CCDC82: variants seen among roughly 807,000 people sequenced by gnomAD.
CCDC82 encodes coiled-coil domain-containing protein 82.
In CCDC82, 47 loss-of-function variants were observed where a neutral mutation model predicts 60.6. That is an observed-to-expected ratio of 0.77 (90% CI 0.61 to 0.99). The LOEUF is 0.99. CCDC82 is among the 50% of genes least tolerant of loss of function. The probability of loss-of-function intolerance (pLI) is 0.00; values close to 1 mark genes in which losing one functional copy is unlikely to be tolerated. For missense variants in CCDC82, 588 were observed against 633.0 expected, an observed-to-expected ratio of 0.93 and a Z score of 0.76; for synonymous variants, 212 against 207.4, an observed-to-expected ratio of 1.02 and a Z score of -0.19.
Position 96,353,667 on chromosome 11 carries a change from T to C in CCDC82, c.1614A>G (p.Gln538=). Residue 538 remains glutamine (Q), a synonymous_variant, in exon 10 of 10, where the codon CAA becomes CAG. Transcript: ENST00000646818. ...TGTGTTACAACTCAAACTTCTCTTCTTGAAAGTAATCCGCAAAATTGAGAT... is the reference window on the plus strand; with the variant it reads ...TGTGTTACAACTCAAACTTCTCTTCCTGAAAGTAATCCGCAAAATTGAGAT... ...EEYLNFADYF[Q]EEKFEL is the part of the protein sequence containing the mutation. 6.2e-7 allele frequency: 1 copy of C among 1,610,596 alleles called. No homozygotes were observed. The highest frequency in any genetic ancestry group is 8.5e-7 in the Non-Finnish European group (1 of 1,178,234).
intron 5 of CCDC82, among the ~76,000 whole-genome samples, chr11:96,377,588 T>C: frequency 6.6e-6 from 1 of 152,156 alleles, no homozygotes; most frequent in East Asian, 1.9e-4. Context: ...CAACTGCTTT[T>C]CTTAAAAGCC....
In CCDC82 at chr11:96,353,352, G is replaced by A. The variant is rs1472361724; in HGVS notation, c.*294C>T. ...CAATATATTTTGACTAAACTGACAG[G>A]ATATCAACAGCTCATTCACTTGACA... On this transcript the variant is annotated 3_prime_UTR_variant, in exon 10 of 10. Transcript: ENST00000646818. The A allele has an allele frequency of 3.8e-6, 1 of 261,622 alleles. No homozygotes were observed. The highest frequency in any genetic ancestry group is 7.2e-6 in the Non-Finnish European group (1 of 139,046). 16.2% of individuals were successfully genotyped at this position (261,622 alleles called of 1,614,324 possible).
chr11:96,356,045 G>C (rs1446645585), intron 9 of CCDC82: 1 of 152,148 alleles, frequency 6.6e-6, no homozygotes, highest in Non-Finnish European at 1.5e-5. Context: ...AGTGTTAACG[G>C]GTACTTTTTA....
intron 5 of CCDC82, chr11:96,382,155 CTG>C (rs957720307): frequency 1.3e-5 from 2 of 151,734 alleles, no homozygotes; most frequent in Admixed American, 6.6e-5. Flanking sequence ...ACCTGTGCAA[CTG>C]TGTGTGTGGG....
intron 9 of CCDC82, chr11:96,357,241 T>C (rs762925085): frequency 5.0e-5 from 49 of 985,308 alleles, no homozygotes; most frequent in Non-Finnish European, 5.5e-5. Flanking sequence ...CTGTGGTTTC[T>C]AGGAAATCTT....
At chr11:96,375,789 T>C (rs1227524386) in intron 5 of CCDC82, among the ~76,000 whole-genome samples, 1 of 152,198 alleles carries the variant, frequency 6.6e-6, no homozygotes, top group Non-Finnish European at 1.5e-5. Context: ...ACACAAAATT[T>C]AGACTTGGAT....
At chr11:96,368,333 A>C (rs767601943) in intron 7 of CCDC82, among the ~76,000 whole-genome samples, 8 of 152,160 alleles carry the variant, frequency 5.3e-5, no homozygotes, top group Admixed American at 3.9e-4. Context: ...ACAGTGGTCC[A>C]AAAATATTCA....
intron 5 of CCDC82, among the ~76,000 whole-genome samples, chr11:96,376,430 CT>C (rs1291548577): frequency 1.1e-3 from 150 of 140,758 alleles, no homozygotes; most frequent in East Asian, 4.5e-3. Context: ...CCGTGCTTTT[CT>C]TTTTTTTTTT....
chr11:96,376,499 C>T (rs369744998), intron 5 of CCDC82, among the ~76,000 whole-genome samples: 2 of 150,830 alleles, frequency 1.3e-5, no homozygotes, highest in African/African-American at 4.9e-5. Flanking sequence ...ACGATCTTGG[C>T]TCACTGCAAC....
intron 7 of CCDC82, among the ~76,000 whole-genome samples, chr11:96,369,725 G>A (rs1308178417): frequency 1.3e-5 from 2 of 152,198 alleles, no homozygotes; most frequent in Non-Finnish European, 2.9e-5. Flanking sequence ...ATGTGACAGA[G>A]ATGAATAAGC....
In CCDC82 at chr11:96,383,999, CTTTGT is replaced by C. The variant is rs1565323084; in HGVS notation, c.744_748del (p.Gln249IlefsTer7). On this transcript the variant is annotated frameshift_variant, in exon 4 of 10. Transcript: ENST00000646818. LOFTEE classifies it high-confidence loss of function. Reference sequence around the variant, plus strand: ...ACCACTACTGCGTCTCTGACGAGATCTTTGTTTTGAGAGTTCTTTGAGCTTCTGAA... The same window carrying C: ...ACCACTACTGCGTCTCTGACGAGATCTTTGAGAGTTCTTTGAGCTTCTGAA... 2 of 1,613,220 alleles carry C rather than the reference CTTTGT, an allele frequency of 1.2e-6. No homozygotes were observed. The highest frequency in any genetic ancestry group is 1.7e-6 in the Non-Finnish European group (2 of 1,179,552).
At chr11:96,380,421 C>T (rs925260985) in intron 5 of CCDC82, 1 of 151,726 alleles carries the variant, frequency 6.6e-6, no homozygotes, top group African/African-American at 2.4e-5. Context: ...ACATATACAT[C>T]TTCCTGAGGT....
Position 96,371,118 on chromosome 11 carries a change from T to C in CCDC82, c.1104A>G (p.Ser368=), listed in dbSNP as rs1308151928. 6 of 1,595,276 alleles carry C rather than the reference T, an allele frequency of 3.8e-6. No homozygotes were observed. In the Admixed American group the frequency reaches 6.9e-5, roughly 18 times the overall value. Residue 368 remains serine, a synonymous_variant, in exon 7 of 10, where the codon TCA becomes TCG. Coordinates refer to ENST00000646818, the MANE Select transcript of CCDC82 (RefSeq NM_024725.4). The stretch of plus-strand genomic sequence containing the variant: ...GAGATGTTAGCATATCTTTTGCATA[T>C]GATTTTTGCCTTGTGCCATCTGTTC... ...GTLYDGTRQK[S]YAKDMLTSLH...
At chr11:96,383,521 G>A (rs754905930) in intron 4 of CCDC82, 48 bp from the exon 5 acceptor site, 1 of 1,181,544 alleles carries the variant, frequency 8.5e-7, no homozygotes, top group South Asian at 1.5e-5. Context: ...TATTAAAACG[G>A]TAAGCATCGA....
intron 5 of CCDC82, chr11:96,381,223 T>C (rs950599211): frequency 2.6e-5 from 4 of 151,754 alleles, no homozygotes; most frequent in African/African-American, 9.7e-5. Context: ...TTCCATCACA[T>C]TCTAGATAAC....
At chr11:96,354,406 G>A (rs1331585072) in intron 9 of CCDC82, 1 of 152,180 alleles carries the variant, frequency 6.6e-6, no homozygotes, top group Non-Finnish European at 1.5e-5. Context: ...AAGAGGCTGA[G>A]TTCAGAGAAC....
intron 9 of CCDC82, chr11:96,358,128 A>C: frequency 2.0e-6 from 2 of 985,978 alleles, no homozygotes; most frequent in Non-Finnish European, 2.4e-6. Context: ...CCTCTTTTAC[A>C]AATTTCCCTA....
intron 8 of CCDC82, chr11:96,363,489 C>G (rs1301055684): frequency 6.6e-6 from 1 of 152,164 alleles, no homozygotes; most frequent in South Asian, 2.1e-4. Context: ...TAGTTATATA[C>G]GCATACACAC....
At chr11:96,371,914 C>T (rs143122367) in intron 6 of CCDC82, among the ~76,000 whole-genome samples, 338 of 152,256 alleles carry the variant, frequency 2.2e-3, no homozygotes, top group African/African-American at 8.0e-3. Context: ...CATCTGTCAT[C>T]GTATGAATTT....
Sources: allele counts gnomAD v4.1 joint callset (sites outside exome capture counted in the v4.1 genomes callset), GRCh38; gene constraint gnomAD v4.1.1; transcripts MANE v1.5; gene names NCBI Gene and HGNC (gene_info 2026-07-23, HGNC 2026-07-21).